ALDH9A1: variants seen among roughly 807,000 people sequenced by gnomAD.
The protein encoded by ALDH9A1 is 4-trimethylaminobutyraldehyde dehydrogenase.
A neutral mutation model predicts 56.6 loss-of-function variants in ALDH9A1; 42 were observed. The observed-to-expected ratio is 0.74, with a 90% confidence interval of 0.58 to 0.96. The LOEUF is 0.96. Among genes scored for constraint, ALDH9A1 ranks in the 40% least tolerant of loss-of-function variants. ALDH9A1 has a pLI of 0.00. For synonymous variants in ALDH9A1, 242 were observed against 236.0 expected, an observed-to-expected ratio of 1.03 and a Z score of -0.23; for missense variants, 661 against 651.5, an observed-to-expected ratio of 1.01 and a Z score of -0.16.
At chr1:165,688,789 G>A (rs559463936) in intron 2 of ALDH9A1, among the ~76,000 whole-genome samples, 1 of 152,280 alleles carries the variant, frequency 6.6e-6, no homozygotes. Flanking sequence ...TTGTAGGTGT[G>A]GTCACAGAGT....
chr1:165,689,355 G>A (rs1451274759), intron 2 of ALDH9A1, among the ~76,000 whole-genome samples: 1 of 152,170 alleles, frequency 6.6e-6, no homozygotes, highest in African/African-American at 2.4e-5. Context: ...ATTTAGAAAT[G>A]TAAACCTCTT....
At chr1:165,683,137 T>G in intron 2 of ALDH9A1, 27 bp from the exon 3 acceptor site, 2 of 1,611,126 alleles carry the variant, frequency 1.2e-6, no homozygotes, top group Non-Finnish European at 1.7e-6. Context: ...AGACTAGATT[T>G]AAGACATATT....
At position 165,680,544 on chromosome 1, in the gene ALDH9A1, A is replaced by T. The variant is rs766037194; in HGVS notation, c.732T>A (p.Cys244Ter). The T allele has an allele frequency of 1.2e-6, 2 of 1,614,050 alleles. No individual in the cohort carries two copies. Among genetic ancestry groups the T allele is most frequent in the Non-Finnish European group, 1.7e-6 (2 of 1,180,024 alleles). The part of the protein sequence containing the change: ...QGGAATGQFL[C>*]QHPDVAKVSF... ...AGACTTTGGCCACATCGGGATGCTG[A>T]CACAGAAACTGGCCTGTGGCAGCCC... Residue 244 changes from cysteine (C) to a stop codon, truncating the protein, a stop_gained, in exon 5 of 11, where the codon TGT becomes TGA. Transcript: ENST00000354775. LOFTEE classifies it high-confidence loss of function.
chr1:165,681,476 G>C (rs556513139), intron 4 of ALDH9A1, among the ~76,000 whole-genome samples: 2 of 152,252 alleles, frequency 1.3e-5, no homozygotes, highest in East Asian at 1.9e-4. Flanking sequence ...AAGAGAAATA[G>C]GCTAAAACAA....
chr1:165,678,304 C>T (rs141865591), intron 6 of ALDH9A1, among the ~76,000 whole-genome samples: 4 of 151,658 alleles, frequency 2.6e-5, no homozygotes, highest in African/African-American at 9.7e-5. Context: ...ACTGCACTAC[C>T]GTCTGGGGGA....
chr1:165,664,564 T>A (rs1648946772), intron 10 of ALDH9A1, among the ~76,000 whole-genome samples: 1 of 152,232 alleles, frequency 6.6e-6, no homozygotes, highest in African/African-American at 2.4e-5. Context: ...TTTAAAGATT[T>A]TGTTAATTTG....
intron 6 of ALDH9A1, chr1:165,671,844 T>C (rs1242465064): frequency 9.4e-6 from 2 of 211,764 alleles, no homozygotes; most frequent in Non-Finnish European, 9.5e-6. Flanking sequence ...AAATTACATA[T>C]GCAGTCAATA....
At chr1:165,698,351 C>T (rs751107107) in intron 1 of ALDH9A1, 27 bp downstream of exon 1, 3 of 1,574,754 alleles carry the variant, frequency 1.9e-6, no homozygotes, top group Non-Finnish European at 2.6e-6. Context: ...CCAGGGCGCC[C>T]CAGCCTCCCC....
chr1:165,679,225 C>T (rs1649463969), intron 6 of ALDH9A1, among the ~76,000 whole-genome samples: 1 of 152,092 alleles, frequency 6.6e-6, no homozygotes, highest in South Asian at 2.1e-4. Flanking sequence ...CTTAATATGC[C>T]TACGTATGTA....
At position 165,698,530 on chromosome 1, in the gene ALDH9A1, A is replaced by G. The variant is rs1650179283; in HGVS notation, c.29T>C (p.Leu10Pro). Residue 10 changes from leucine to proline, a missense_variant, in exon 1 of 11, where the codon CTC becomes CCC. Transcript: ENST00000354775. ...CCGAAGACTGCGAAGAAGCGGGGAG[A>G]GCGCGGCCAGGCCTGCTCGGAGAAA... MFLRAGLAA[L>P]SPLLRSLRPS... is the part of the protein sequence containing the mutation. The G allele has an allele frequency of 6.2e-7, 1 of 1,609,440 alleles. No homozygotes were observed. The highest frequency in any genetic ancestry group is 8.5e-7 in the Non-Finnish European group (1 of 1,178,548).
At chr1:165,691,352 G>A (rs949141155) in intron 2 of ALDH9A1, among the ~76,000 whole-genome samples, 4 of 152,098 alleles carry the variant, frequency 2.6e-5, no homozygotes, top group Non-Finnish European at 4.4e-5. Flanking sequence ...TCAACAAAAA[G>A]GACATCCACA....
At chr1:165,664,902 G>C (rs929136696) in intron 10 of ALDH9A1, 116 bp downstream of exon 10, 1 of 790,128 alleles carries the variant, frequency 1.3e-6, no homozygotes, top group African/African-American at 1.7e-5. Flanking sequence ...CCAGGAACCT[G>C]TATTTCCCCA....
At chr1:165,676,526 C>A in intron 6 of ALDH9A1, 1 of 288,088 alleles carries the variant, frequency 3.5e-6, no homozygotes. Context: ...ATGTTGTTGG[C>A]ACTGCTGTAA....
At chr1:165,678,849 C>T (rs1210109389) in intron 6 of ALDH9A1, among the ~76,000 whole-genome samples, 1 of 152,168 alleles carries the variant, frequency 6.6e-6, no homozygotes, top group Non-Finnish European at 1.5e-5. Context: ...AATGAATGGC[C>T]TGTTCTCCCA....
chr1:165,667,425 A>G lies in ALDH9A1; in HGVS notation c.1233T>C (p.Cys411=). 6 of 1,614,046 alleles carry G rather than the reference A, an allele frequency of 3.7e-6. 1 individual carries two copies. Among genetic ancestry groups the G allele is most frequent in the South Asian group, 2.2e-5 (2 of 91,080 alleles). Residue 411 remains cysteine (C), a synonymous_variant, in exon 9 of 11, where the codon TGT becomes TGC. Coordinates refer to ENST00000354775, the MANE Select transcript of ALDH9A1 (RefSeq NM_000696.4). ...CAGGCCCAAAGATCTCTTCCTTCACACAGGTCATGTCGTCTCTGCAATTAG... is the reference window on the plus strand; with the variant it reads ...CAGGCCCAAAGATCTCTTCCTTCACGCAGGTCATGTCGTCTCTGCAATTAG... The part of the protein sequence containing the change: ...VLTNCRDDMT[C]VKEEIFGPVM...
At chr1:165,692,747 G>A (rs922741605) in intron 2 of ALDH9A1, among the ~76,000 whole-genome samples, 172 of 150,684 alleles carry the variant, frequency 1.1e-3, no homozygotes, top group African/African-American at 4.0e-3. Context: ...AAAAGAGCCT[G>A]CATTGCCAAG....
intron 2 of ALDH9A1, among the ~76,000 whole-genome samples, chr1:165,694,239 C>A (rs1021724329): frequency 6.0e-5 from 9 of 150,598 alleles, no homozygotes; most frequent in African/African-American, 2.2e-4. Context: ...GCAGGATTAT[C>A]ACTTGTTCCT....
intron 6 of ALDH9A1, chr1:165,676,759 C>G (rs780367059): frequency 4.0e-6 from 2 of 499,860 alleles, no homozygotes; most frequent in East Asian, 6.6e-5. Context: ...GCTGCTGGAA[C>G]CTATTCCCTA....
At chr1:165,674,447 G>C (rs538004701) in intron 6 of ALDH9A1, among the ~76,000 whole-genome samples, 12 of 152,082 alleles carry the variant, frequency 7.9e-5, no homozygotes, top group Non-Finnish European at 1.6e-4. Context: ...AGCACTTTGG[G>C]AGGCCGAGGT....
Sources: allele counts gnomAD v4.1 joint callset (sites outside exome capture counted in the v4.1 genomes callset), GRCh38; gene constraint gnomAD v4.1.1; transcripts MANE v1.5; gene names NCBI Gene and HGNC (gene_info 2026-07-23, HGNC 2026-07-21).